SPEF2: variants seen among roughly 807,000 people sequenced by gnomAD.
The protein encoded by SPEF2 is sperm flagellar and cilia associated 2, also known as sperm flagella and cilia-associated protein 2.
In SPEF2, 187 loss-of-function variants were observed where a neutral mutation model predicts 224.6. The observed-to-expected ratio is 0.83, with a 90% CI of 0.74 to 0.94. The LOEUF is 0.94. SPEF2 is among the 40% of genes least tolerant of loss of function. SPEF2 has a pLI of 0.00. For missense variants in SPEF2, 2,170 were observed against 2,135.6 expected, an observed-to-expected ratio of 1.02 and a Z score of -0.32; for synonymous variants, 715 against 707.3, an observed-to-expected ratio of 1.01 and a Z score of -0.17.
intron 25 of SPEF2, among the ~76,000 whole-genome samples, chr5:35,760,647 C>A (rs1751151693): frequency 6.6e-6 from 1 of 152,046 alleles, no homozygotes; most frequent in African/African-American, 2.4e-5. Context: ...CAAGCAAATC[C>A]TGTGCAATAT....
intron 32 of SPEF2, 46 bp downstream of exon 32, chr5:35,793,387 G>T (rs756782780): frequency 3.5e-5 from 55 of 1,561,998 alleles, no homozygotes; most frequent in Middle Eastern, 1.7e-4. Flanking sequence ...GAACACTTGT[G>T]ACCTAAGAAG....
chr5:35,650,523 C>T (rs1158052124), intron 6 of SPEF2, among the ~76,000 whole-genome samples: 2 of 152,162 alleles, frequency 1.3e-5, no homozygotes, highest in African/African-American at 4.8e-5. Flanking sequence ...CAGTTGGTGT[C>T]CACCAGAAAG....
At chr5:35,803,642 A>G (rs1757726868) in intron 34 of SPEF2, among the ~76,000 whole-genome samples, 1 of 152,108 alleles carries the variant, frequency 6.6e-6, no homozygotes, top group Non-Finnish European at 1.5e-5. Context: ...CACTGTCTCC[A>G]ACTGTGGCAC....
intron 23 of SPEF2, among the ~76,000 whole-genome samples, chr5:35,743,488 C>A (rs990128971): frequency 1.9e-4 from 29 of 152,024 alleles, no homozygotes; most frequent in African/African-American, 6.8e-4. Flanking sequence ...TCCACCTTAT[C>A]AAAGATATGA....
chr5:35,691,696 T>A (rs1161756081), intron 11 of SPEF2, among the ~76,000 whole-genome samples: 2 of 152,222 alleles, frequency 1.3e-5, no homozygotes, highest in Non-Finnish European at 2.9e-5. Context: ...GCACACATTG[T>A]GAATGTCTAA....
chr5:35,746,615 A>G (rs1286695668), intron 23 of SPEF2, among the ~76,000 whole-genome samples: 1 of 105,990 alleles, frequency 9.4e-6, no homozygotes, highest in Non-Finnish European at 2.5e-5. Context: ...CAATCCAACA[A>G]AGACAATGAA....
chr5:35,802,556 G>T (rs1757563959), intron 34 of SPEF2, among the ~76,000 whole-genome samples: 1 of 152,122 alleles, frequency 6.6e-6, no homozygotes, highest in Admixed American at 6.5e-5. Context: ...GAAAATACAG[G>T]CATTGGAAGA....
At chr5:35,789,680 AT>A in intron 30 of SPEF2, 2 of 638,062 alleles carry the variant, frequency 3.1e-6, no homozygotes, top group Non-Finnish European at 5.6e-6. Flanking sequence ...GAAGTTTTAA[AT>A]TGTGGCCCAC....
intron 23 of SPEF2, among the ~76,000 whole-genome samples, chr5:35,740,981 A>C (rs1007186586): frequency 3.9e-5 from 6 of 152,146 alleles, no homozygotes; most frequent in Admixed American, 3.9e-4. Flanking sequence ...CTAAATATTG[A>C]TTTATGTAAT....
Position 35,779,257 on chromosome 5 carries a change from C to T in SPEF2, c.4358C>T (p.Pro1453Leu). 6.2e-7 allele frequency: 1 copy of T among 1,613,960 alleles called. No individual in the cohort carries two copies. The highest frequency in any genetic ancestry group is 8.5e-7 in the Non-Finnish European group (1 of 1,179,908). ...CCAGATCCTCCCCCATCAATACGTC[C>T]TCCACCTGTAGAAAAGGAAGAAGAT... ...VFPDPPPSIR[P>L]PPVEKEEDGT... Residue 1453 changes from proline to leucine, a missense_variant, in exon 30 of 37, where the codon CCT becomes CTT. Coordinates refer to ENST00000356031, the MANE Select transcript of SPEF2 (RefSeq NM_024867.4).
chr5:35,736,468 AGTGT>A (rs139387194), intron 21 of SPEF2, among the ~76,000 whole-genome samples: 37,732 of 149,066 alleles, frequency 0.25, 4,788 homozygotes, highest in South Asian at 0.33. Flanking sequence ...CAAGTGACAG[AGTGT>A]GTGTGTGTGT....
chr5:35,770,445 G>C lies in SPEF2; in HGVS notation c.3802-1164G>C, dbSNP rs894135996. Reference sequence around the variant, plus strand: ...CACGGTGCTGGGCAAGATGTCATCAGAGCTTATTCCTCTTATCTAACTGAA... The same window carrying C: ...CACGGTGCTGGGCAAGATGTCATCACAGCTTATTCCTCTTATCTAACTGAA... On this transcript the variant is annotated intron_variant, in intron 26 of 36. Coordinates refer to ENST00000356031, the MANE Select transcript of SPEF2 (RefSeq NM_024867.4). Among the ~76,000 whole-genome samples the C allele has an allele frequency of 2.0e-5, 3 of 152,020 alleles. No individual in the cohort carries two copies. In the South Asian group the frequency reaches 6.2e-4, roughly 32 times the overall value.
intron 10 of SPEF2, among the ~76,000 whole-genome samples, chr5:35,673,787 G>A (rs918039550): frequency 6.6e-6 from 1 of 151,998 alleles, no homozygotes; most frequent in African/African-American, 2.4e-5. Flanking sequence ...ATTATTTTTG[G>A]CTTATGATTT....
intron 21 of SPEF2, among the ~76,000 whole-genome samples, chr5:35,730,427 G>A (rs894979831): frequency 6.6e-6 from 1 of 152,238 alleles, no homozygotes; most frequent in Non-Finnish European, 1.5e-5. Flanking sequence ...CCAACCTGTA[G>A]CAGCACTCCT....
chr5:35,640,626 G>A lies in SPEF2; in HGVS notation c.162-805G>A, dbSNP rs527863517. 8.5e-5 allele frequency among the ~76,000 whole-genome samples: 13 copies of A among 152,242 alleles called. 1 individual carries two copies. The South Asian group carries it at 2.7e-3, about 32-fold the overall frequency. ...TGCTGAGAAGGTTTTCTTGTAGCAT[G>A]CATTATCTCTTCTCGTCTCCTCCAA... On this transcript the variant is annotated intron_variant, in intron 2 of 36. Coordinates refer to ENST00000356031, the MANE Select transcript of SPEF2 (RefSeq NM_024867.4).
chr5:35,736,297 T>C (rs1363774722), intron 21 of SPEF2, among the ~76,000 whole-genome samples: 1 of 152,180 alleles, frequency 6.6e-6, no homozygotes, highest in Non-Finnish European at 1.5e-5. Context: ...GTGGATTGTA[T>C]TAGTTTGTTT....
intron 34 of SPEF2, among the ~76,000 whole-genome samples, chr5:35,806,450 C>T (rs1328513833): frequency 2.0e-5 from 3 of 152,122 alleles, no homozygotes. Context: ...GTAGTCAGCC[C>T]AAGAATGTAT....
intron 21 of SPEF2, among the ~76,000 whole-genome samples, chr5:35,738,182 T>C (rs1009113902): frequency 1.3e-5 from 2 of 152,144 alleles, no homozygotes; most frequent in Non-Finnish European, 2.9e-5. Flanking sequence ...CACTCTGATG[T>C]AGTTTCTTTT....
chr5:35,766,990 G>T (rs1230249909), intron 26 of SPEF2, among the ~76,000 whole-genome samples: 1 of 151,594 alleles, frequency 6.6e-6, no homozygotes, highest in Non-Finnish European at 1.5e-5. Flanking sequence ...ATGTGTACTT[G>T]AAATATATTC....
Sources: gnomAD v4.1 joint callset for allele counts (sites outside exome capture counted in the v4.1 genomes callset) on GRCh38, gnomAD v4.1.1 for gene constraint, MANE v1.5 for transcripts, NCBI Gene and HGNC (gene_info 2026-07-23, HGNC 2026-07-21) for gene names.